Variants in DIAPH2 observed in about 807,000 individuals in gnomAD.
DIAPH2 encodes protein diaphanous homolog 2.
DIAPH2 carries 35 observed loss-of-function variants against 92.7 expected under a neutral mutation model. The observed-to-expected ratio is 0.38, with a 90% CI of 0.29 to 0.50. DIAPH2 has a LOEUF of 0.50. DIAPH2 is among the 20% of genes least tolerant of loss of function. The probability of loss-of-function intolerance (pLI) is 0.94; values close to 1 mark genes in which losing one functional copy is unlikely to be tolerated. For synonymous variants in DIAPH2, 301 were observed against 280.4 expected (o/e 1.07, Z -0.73); for missense variants, 701 against 819.5 (o/e 0.86, Z 1.77).
intron 20 of DIAPH2, among the ~76,000 whole-genome samples, chrX:97,101,854 C>T (rs773717318): frequency 1.1e-4 from 12 of 112,036 alleles, no homozygotes; most frequent in Non-Finnish European, 1.9e-4. Flanking sequence ...TGCTGAAATT[C>T]AATTCACTTC....
intron 26 of DIAPH2, among the ~76,000 whole-genome samples, chrX:97,440,506 C>G (rs1245299926): frequency 9.4e-6 from 1 of 106,547 alleles, no homozygotes; most frequent in African/African-American, 3.4e-5. Flanking sequence ...GCAGGAGAAT[C>G]GCTTGAACCC....
Position 97,456,613 on chromosome X carries a change from A to G in DIAPH2, c.3241+26868A>G, listed in dbSNP as rs1003935787. On this transcript the variant is annotated intron_variant, in intron 26 of 26. Transcript: ENST00000324765. Reference sequence around the variant, plus strand: ...GGCTATTGGGACTGTGCCTCTCCTAATTGTGTGGCTTGGTTGGAATTGCTT... The same window carrying G: ...GGCTATTGGGACTGTGCCTCTCCTAGTTGTGTGGCTTGGTTGGAATTGCTT... 2.7e-5 allele frequency among the ~76,000 whole-genome samples: 3 copies of G among 111,471 alleles called. No homozygotes were observed. The Admixed American group carries it at 2.9e-4, about 11-fold the overall frequency.
At chrX:97,205,113 GC>G (rs2067785742) in intron 22 of DIAPH2, among the ~76,000 whole-genome samples, 1 of 111,689 alleles carries the variant, frequency 9.0e-6, no homozygotes, top group African/African-American at 3.3e-5. Context: ...TGGAAAACTG[GC>G]TAGCCATATG....
Position 96,838,019 on chromosome X carries a change from A to G in DIAPH2, c.448-43560A>G, listed in dbSNP as rs535427663. On this transcript the variant is annotated intron_variant, in intron 4 of 26. Transcript: ENST00000324765. ...TCAGAATTTAAGAATGCTGCCCAGT[A>G]AGTTGCTTGGCAGTAAGCTCTTGGG... Among the ~76,000 whole-genome samples, 13 of 111,994 alleles carry G rather than the reference A, an allele frequency of 1.2e-4. No homozygotes were observed. The South Asian group carries it at 4.8e-3, about 41-fold the overall frequency.
At chrX:97,557,277 A>G (rs1602667285) in intron 26 of DIAPH2, among the ~76,000 whole-genome samples, 1 of 111,552 alleles carries the variant, frequency 9.0e-6, no homozygotes. Context: ...GGTGGCTCAC[A>G]CCTGTAATCC....
chrX:97,267,425 T>C (rs2068346841), intron 23 of DIAPH2, among the ~76,000 whole-genome samples: 1 of 111,779 alleles, frequency 8.9e-6, no homozygotes, highest in Non-Finnish European at 1.9e-5. Context: ...ATGAAAACCC[T>C]TTAAGAAACA....
At position 96,811,988 on chromosome X, in the gene DIAPH2, TG is replaced by T. The variant is rs1248343853; in HGVS notation, c.447+53731del. The stretch of plus-strand genomic sequence containing the variant: ...ATATTGGTCTAAAATTCTCTTTTTT[TG>T]TTGTGTCTCTGCCAGGCTTTGGTAT... On this transcript the variant is annotated intron_variant, in intron 4 of 26. Coordinates refer to ENST00000324765, the MANE Select transcript of DIAPH2 (RefSeq NM_006729.5). 1.4e-4 allele frequency among the ~76,000 whole-genome samples: 16 copies of T among 111,594 alleles called. No homozygotes were observed. In the East Asian group the frequency reaches 4.5e-3, roughly 32 times the overall value.
At chrX:97,009,389 AC>A (rs1395091577) in intron 17 of DIAPH2, among the ~76,000 whole-genome samples, 1 of 111,979 alleles carries the variant, frequency 8.9e-6, no homozygotes, top group Non-Finnish European at 1.9e-5. Flanking sequence ...GGAATCAGGG[AC>A]CACAAGAGCC....
At chrX:97,438,370 T>G (rs1159490003) in intron 26 of DIAPH2, among the ~76,000 whole-genome samples, 53 of 79,991 alleles carry the variant, frequency 6.6e-4, no homozygotes, top group African/African-American at 2.3e-3. Context: ...TTTTTTTTTT[T>G]TTTTTTTTTT....
intron 4 of DIAPH2, among the ~76,000 whole-genome samples, chrX:96,878,170 T>A (rs2065191563): frequency 8.9e-6 from 1 of 112,195 alleles, no homozygotes; most frequent in African/African-American, 3.2e-5. Flanking sequence ...ATTTTAAAAA[T>A]ATTTTCTTGC....
chrX:97,568,314 A>T (rs142877685), intron 26 of DIAPH2, among the ~76,000 whole-genome samples: 96 of 110,561 alleles, frequency 8.7e-4, no homozygotes, highest in African/African-American at 3.2e-3. Context: ...TGGCATGCTG[A>T]CCAATAACAC....
At chrX:96,822,495 T>A (rs1311769855) in intron 4 of DIAPH2, among the ~76,000 whole-genome samples, 1 of 111,874 alleles carries the variant, frequency 8.9e-6, no homozygotes, top group Non-Finnish European at 1.9e-5. Context: ...GAGAGATAGG[T>A]GAATTTTAAA....
chrX:97,303,757 A>G (rs2068725157), intron 23 of DIAPH2, among the ~76,000 whole-genome samples: 1 of 111,980 alleles, frequency 8.9e-6, no homozygotes, highest in Non-Finnish European at 1.9e-5. Flanking sequence ...TTAATATGCT[A>G]TTTTTATTGT....
chrX:96,788,513 C>G (rs1007035325), intron 4 of DIAPH2, among the ~76,000 whole-genome samples: 1 of 111,420 alleles, frequency 9.0e-6, no homozygotes, highest in African/African-American at 3.3e-5. Context: ...CACCTCCCAA[C>G]CCGTCCCCAC....
intron 7 of DIAPH2, among the ~76,000 whole-genome samples, chrX:96,915,102 G>A (rs1165569769): frequency 9.0e-6 from 1 of 110,621 alleles, no homozygotes; most frequent in Admixed American, 9.6e-5. Flanking sequence ...CTATAATATT[G>A]CTCTGATGTT....
intron 22 of DIAPH2, among the ~76,000 whole-genome samples, chrX:97,243,424 C>G (rs913661656): frequency 9.1e-6 from 1 of 110,437 alleles, no homozygotes; most frequent in Admixed American, 9.7e-5. Context: ...CTGAGTTTTT[C>G]AAATTTAAGA....
At position 97,424,283 on chromosome X, in the gene DIAPH2, A is replaced by G. The variant is rs1473110185; in HGVS notation, c.3146-5367A>G. ...TATTTACAAAAATTTTTTTTTTAGC[A>G]GAACTATTTGGCATATATGTTCTCA... On this transcript the variant is annotated intron_variant, in intron 25 of 26. Coordinates refer to ENST00000324765, the MANE Select transcript of DIAPH2 (RefSeq NM_006729.5). Among the ~76,000 whole-genome samples the G allele has an allele frequency of 1.1e-4, 12 of 111,459 alleles. No individual in the cohort carries two copies. In the Admixed American group the frequency reaches 1.2e-3, roughly 11 times the overall value.
At chrX:97,381,692 G>A (rs1022797542) in intron 24 of DIAPH2, among the ~76,000 whole-genome samples, 4 of 111,657 alleles carry the variant, frequency 3.6e-5, no homozygotes, top group African/African-American at 9.8e-5. Context: ...TTAAGAAGCT[G>A]TGTAGCTTTG....
intron 17 of DIAPH2, among the ~76,000 whole-genome samples, chrX:97,007,327 T>C (rs757053205): frequency 4.5e-4 from 51 of 112,093 alleles, no homozygotes; most frequent in Non-Finnish European, 7.7e-4. Context: ...TTCTTTCTGA[T>C]TGAAGAACTT....
Sources: allele counts gnomAD v4.1 joint callset (sites outside exome capture counted in the v4.1 genomes callset), GRCh38; gene constraint gnomAD v4.1.1; transcripts MANE v1.5; gene names NCBI Gene and HGNC (gene_info 2026-07-23, HGNC 2026-07-21).